MYO18A: variants seen among roughly 807,000 people sequenced by gnomAD.
MYO18A encodes the protein myosin XVIIIA.
A neutral mutation model predicts 235.8 loss-of-function variants in MYO18A; 78 were observed. The ratio of observed to expected loss-of-function variants is 0.33; its 90% CI spans 0.28 to 0.40. MYO18A has a LOEUF of 0.40. Among genes scored for constraint, MYO18A ranks in the 10% least tolerant of loss-of-function variants. The pLI, the probability that MYO18A is intolerant of heterozygous loss-of-function variation, is 1.00. For synonymous variants in MYO18A, 977 were observed against 1,077.8 expected (o/e 0.91, Z 1.83); for missense variants, 2,215 against 2,699.3 (o/e 0.82, Z 3.98).
Position 29,125,938 on chromosome 17 carries a change from G to A in MYO18A, c.1000-3685C>T, listed in dbSNP as rs577763175. On this transcript the variant is annotated intron_variant, in intron 2 of 41. Coordinates refer to ENST00000527372, the MANE Select transcript of MYO18A (RefSeq NM_078471.4). This position sits in a 1 kb window ranked among gnomAD's most constrained non-coding sequence, Gnocchi z 5.1. ...CCAGCCGCTGGTGGGCCTCTTCCAC[G>A]GGGGTCAGCTGGACCTTGGCAGCTC... is the stretch of plus-strand genomic sequence containing the variant. The A allele has an allele frequency of 7.1e-6, 7 of 985,362 alleles. No individual in the cohort carries two copies. Among genetic ancestry groups the A allele is most frequent in the Admixed American group, 1.2e-4 (2 of 16,286 alleles). The allele number at this position is 985,362 out of a possible 1,614,324, so 61.0% of individuals were successfully genotyped here. A position where few individuals can be genotyped will look rare whatever the true frequency, so the allele number is the denominator to read the frequency against.
At chr17:29,128,053 C>T (rs2067367591) in intron 2 of MYO18A, 1 of 1,013,690 alleles carries the variant, frequency 9.9e-7, no homozygotes, top group African/African-American at 1.7e-5. Flanking sequence ...GGCTGGAGGG[C>T]TTCTCCCCCT....
chr17:29,162,166 T>C (rs2068188013), intron 2 of MYO18A, among the ~76,000 whole-genome samples: 1 of 151,996 alleles, frequency 6.6e-6, no homozygotes, highest in African/African-American at 2.4e-5. Flanking sequence ...TCACAATCAC[T>C]CCCTCACCAC....
chr17:29,111,416 G>A lies in MYO18A; in HGVS notation c.2900+8C>T. On this transcript the variant is annotated splice_region_variant and intron_variant, in intron 17 of 41. Coordinates refer to ENST00000527372, the MANE Select transcript of MYO18A (RefSeq NM_078471.4). This position sits in a 1 kb window ranked among gnomAD's most constrained non-coding sequence, Gnocchi z 5.1. ...ACAGAACAGGGGCGGAGGGAGTGGT[G>A]GTCTTACTTCTGGGAGTCCTGCAGG... is the stretch of plus-strand genomic sequence containing the variant. The A allele has an allele frequency of 6.2e-7, 1 of 1,611,198 alleles. No homozygotes were observed. Among genetic ancestry groups the A allele is most frequent in the Non-Finnish European group, 8.5e-7 (1 of 1,178,880 alleles).
chr17:29,175,954 G>A (rs528302919), intron 1 of MYO18A, among the ~76,000 whole-genome samples: 1 of 152,214 alleles, frequency 6.6e-6, no homozygotes, highest in East Asian at 1.9e-4. Context: ...AGCTGCTCGG[G>A]AGGCTGAGGC....
At chr17:29,105,171 CAAAAAA>C (rs58344909) in intron 20 of MYO18A, among the ~76,000 whole-genome samples, 1 of 35,806 alleles carries the variant, frequency 2.8e-5, no homozygotes, top group Non-Finnish European at 5.9e-5. Flanking sequence ...GACTCTGTCT[CAAAAAA>C]AAAAAAAAAA....
At chr17:29,135,653 C>A (rs560034812) in intron 2 of MYO18A, among the ~76,000 whole-genome samples, 1 of 152,322 alleles carries the variant, frequency 6.6e-6, no homozygotes, top group African/African-American at 2.4e-5. Flanking sequence ...CGGGCCATTT[C>A]CACCCAGGCC....
At chr17:29,163,828 T>C (rs1309424167) in intron 2 of MYO18A, among the ~76,000 whole-genome samples, 2 of 152,222 alleles carry the variant, frequency 1.3e-5, no homozygotes, top group East Asian at 3.9e-4. Context: ...GAAAATTCCA[T>C]CTGTTAAAAG....
At chr17:29,147,540 CA>C (rs1325478800) in intron 2 of MYO18A, among the ~76,000 whole-genome samples, 5 of 150,796 alleles carry the variant, frequency 3.3e-5, no homozygotes, top group African/African-American at 1.2e-4. Context: ...AAACAAAAAC[CA>C]AAAAACATTC....
At chr17:29,145,585 C>T (rs1432146341) in intron 2 of MYO18A, among the ~76,000 whole-genome samples, 1 of 152,214 alleles carries the variant, frequency 6.6e-6, no homozygotes, top group Non-Finnish European at 1.5e-5. Context: ...CTTCCTGAGG[C>T]AGAGGTTGTG....
chr17:29,173,156 C>T (rs550021557), intron 1 of MYO18A, among the ~76,000 whole-genome samples: 1 of 151,592 alleles, frequency 6.6e-6, no homozygotes, highest in South Asian at 2.1e-4. Flanking sequence ...GTGCAATGGC[C>T]CGATTTCAGC....
intron 30 of MYO18A, 167 bp from the exon 31 acceptor site, chr17:29,094,257 C>T (rs2066468825): frequency 8.1e-6 from 5 of 619,428 alleles, no homozygotes; most frequent in Non-Finnish European, 1.4e-5. Context: ...CAGCTGAACT[C>T]CCTTACTAGA....
In MYO18A at chr17:29,111,293, G is replaced by T; in HGVS notation, c.2900+131C>A. ...TCCTCAAGGCCAAGTGCCCTGGGCT[G>T]TTGCCTCTCAGGAATAAAGGCCATC... On this transcript the variant is annotated intron_variant, in intron 17 of 41. Coordinates refer to ENST00000527372, the MANE Select transcript of MYO18A (RefSeq NM_078471.4). The surrounding 1 kb of genome is among the most constrained non-coding windows in gnomAD (Gnocchi z 5.1). 2 of 1,090,280 alleles carry T rather than the reference G, an allele frequency of 1.8e-6. No homozygotes were observed. Among genetic ancestry groups the T allele is most frequent in the Non-Finnish European group, 2.6e-6 (2 of 764,420 alleles). The allele number at this position is 1,090,280 out of a possible 1,614,324, so 67.5% of individuals were successfully genotyped here.
chr17:29,147,003 C>A (rs537134105), intron 2 of MYO18A, among the ~76,000 whole-genome samples: 1 of 152,084 alleles, frequency 6.6e-6, no homozygotes, highest in Non-Finnish European at 1.5e-5. Flanking sequence ...CAAAACCCTG[C>A]GAGGTAATGA....
chr17:29,110,692 C>A (rs1994663), intron 17 of MYO18A, 70 bp from the exon 18 acceptor site: 8 of 1,480,222 alleles, frequency 5.4e-6, no homozygotes, highest in East Asian at 2.3e-5. Context: ...CGCTCCTCCC[C>A]CAAGGCCCCA....
At chr17:29,098,663 T>C (rs1171295388) in intron 23 of MYO18A, among the ~76,000 whole-genome samples, 163 bp downstream of exon 23, 1 of 152,166 alleles carries the variant, frequency 6.6e-6, no homozygotes, top group Non-Finnish European at 1.5e-5. Context: ...TAAGAGGCTG[T>C]CCAGGGGCTC....
chr17:29,145,285 G>A (rs1057140990), intron 2 of MYO18A, among the ~76,000 whole-genome samples: 3 of 152,244 alleles, frequency 2.0e-5, no homozygotes, highest in East Asian at 1.9e-4. Context: ...CACAATAAAC[G>A]GGCTGGAATA....
At chr17:29,151,965 T>C (rs542587516) in intron 2 of MYO18A, among the ~76,000 whole-genome samples, 32 of 152,210 alleles carry the variant, frequency 2.1e-4, no homozygotes, top group Middle Eastern at 3.4e-3. Flanking sequence ...CGGTGGAGAA[T>C]GGACTCTGGA....
chr17:29,090,801 C>T lies in MYO18A; in HGVS notation c.5304+9G>A, dbSNP rs1291861037. On this transcript the variant is annotated intron_variant, in intron 35 of 41. Coordinates refer to ENST00000527372, the MANE Select transcript of MYO18A (RefSeq NM_078471.4). ...TGCAGAGTGTGACGGGCACTCCTGGCAGGGGTACCTGAGCCACGGCAGCCT... is the reference window on the plus strand; with the variant it reads ...TGCAGAGTGTGACGGGCACTCCTGGTAGGGGTACCTGAGCCACGGCAGCCT... 1.9e-6 allele frequency: 3 copies of T among 1,611,316 alleles called. No individual in the cohort carries two copies. The highest frequency in any genetic ancestry group is 2.5e-6 in the Non-Finnish European group (3 of 1,177,538).
intron 2 of MYO18A, chr17:29,131,339 G>GCA (rs942137744): frequency 3.2e-6 from 3 of 947,724 alleles, no homozygotes; most frequent in Non-Finnish European, 3.8e-6. Flanking sequence ...ACACATGCCC[G>GCA]CACACACACA....
Sources: gnomAD v4.1 joint callset for allele counts (sites outside exome capture counted in the v4.1 genomes callset) on GRCh38, gnomAD v4.1.1 for gene constraint, Gnocchi (gnomAD v3.1) non-coding constraint, MANE v1.5 for transcripts, NCBI Gene and HGNC (gene_info 2026-07-23, HGNC 2026-07-21) for gene names.